Variants in TBC1D9 observed in about 807,000 individuals in gnomAD.
The protein encoded by TBC1D9 is TBC1 domain family member 9A.
TBC1D9 carries 63 observed loss-of-function variants against 132.0 expected under a neutral mutation model. The ratio of observed to expected loss-of-function variants is 0.48; its 90% CI spans 0.39 to 0.59. The LOEUF (loss-of-function observed/expected upper bound fraction) is 0.59. Among genes scored for constraint, TBC1D9 ranks in the 20% least tolerant of loss-of-function variants. TBC1D9 has a pLI of 0.00. For missense variants in TBC1D9, 1,261 were observed against 1,592.7 expected, an observed-to-expected ratio of 0.79 and a Z score of 3.54; for synonymous variants, 610 against 609.9, an observed-to-expected ratio of 1.00 and a Z score of 0.00.
chr4:140,673,909 G>A (rs1162557008), intron 6 of TBC1D9, among the ~76,000 whole-genome samples: 1 of 152,162 alleles, frequency 6.6e-6, no homozygotes, highest in African/African-American at 2.4e-5. Flanking sequence ...CACCCGGGAG[G>A]GGGAAGCCAG....
chr4:140,755,932 G>GCCGCCT lies in TBC1D9; in HGVS notation c.108_113dup (p.Gly40_Gly41dup). 6.3e-7 allele frequency: 1 copy of GCCGCCT among 1,579,860 alleles called. No homozygotes were observed. The highest frequency in any genetic ancestry group is 8.6e-7 in the Non-Finnish European group (1 of 1,165,186). On this transcript the variant is annotated inframe_insertion, in exon 1 of 21. Transcript: ENST00000442267. The stretch of plus-strand genomic sequence containing the variant: ...GGTCCTTACCCGCCAGTCCGCCGCC[G>GCCGCCT]CCGCCTCCATCGCCGGCGTGGCCCT...
Position 140,622,828 on chromosome 4 carries a change from C to T in TBC1D9, c.3168G>A (p.Val1056=), listed in dbSNP as rs772171531. ...CCCCAATCTCCAGCAGGAGGCTGGT[C>T]ACTGCTGCCGTGGCGTGGTACAGCT... ...EQELYHATAA[V]TSLLLEIGEV... The change falls in exon 21 of 21, where the codon GTG becomes GTA. Residue 1056 remains valine (V), a synonymous_variant. Coordinates refer to ENST00000442267, the MANE Select transcript of TBC1D9 (RefSeq NM_015130.3). 1.6e-5 allele frequency: 26 copies of T among 1,599,316 alleles called. No homozygotes were observed. The highest frequency in any genetic ancestry group is 8.5e-7 in the Non-Finnish European group (1 of 1,176,340).
intron 13 of TBC1D9, among the ~76,000 whole-genome samples, chr4:140,648,358 T>C (rs991284595): frequency 3.3e-5 from 5 of 152,012 alleles, no homozygotes; most frequent in African/African-American, 7.2e-5. Flanking sequence ...CTAACATCTT[T>C]ATGAGCAGAA....
chr4:140,679,613 A>C lies in TBC1D9; in HGVS notation c.589+2T>G, dbSNP rs1423408959. 1.9e-6 allele frequency: 3 copies of C among 1,610,140 alleles called. No homozygotes were observed. The highest frequency in any genetic ancestry group is 1.1e-5 in the South Asian group (1 of 90,760). ...TTCCTGCTGAAATTTTAGATGACTT[A>C]CCTTCCCTTCCCATAAGAAAAGAAT... is the stretch of plus-strand genomic sequence containing the variant. On this transcript the variant is annotated splice_donor_variant, in intron 4 of 20. Transcript: ENST00000442267. LOFTEE classifies it high-confidence loss of function.
intron 16 of TBC1D9, among the ~76,000 whole-genome samples, chr4:140,631,342 C>G (rs1385363597): frequency 6.6e-6 from 1 of 151,986 alleles, no homozygotes; most frequent in Admixed American, 6.6e-5. Context: ...CCTGCCTCAG[C>G]CTCCCAAGTA....
At chr4:140,643,050 T>A in intron 13 of TBC1D9, 1 of 1,220,548 alleles carries the variant, frequency 8.2e-7, no homozygotes, top group Non-Finnish European at 1.2e-6. Flanking sequence ...CATCCGCTCC[T>A]CCTTCTTGCG....
At chr4:140,666,529 A>G (rs1024234602) in intron 9 of TBC1D9, among the ~76,000 whole-genome samples, 49 of 151,956 alleles carry the variant, frequency 3.2e-4, no homozygotes, top group African/African-American at 9.6e-4. Flanking sequence ...TAGTAGAGAC[A>G]GGGTTTCACC....
At chr4:140,723,176 T>C (rs1015399599) in intron 1 of TBC1D9, among the ~76,000 whole-genome samples, 15 of 152,202 alleles carry the variant, frequency 9.9e-5, no homozygotes, top group African/African-American at 3.6e-4. Context: ...TCAGCTTCTC[T>C]TCTCAGGACC....
intron 1 of TBC1D9, among the ~76,000 whole-genome samples, chr4:140,754,107 G>A (rs1261242754): frequency 6.6e-6 from 1 of 152,194 alleles, no homozygotes; most frequent in African/African-American, 2.4e-5. Flanking sequence ...GTGGACCGTA[G>A]TCAGTTATAG....
intron 13 of TBC1D9, among the ~76,000 whole-genome samples, chr4:140,640,788 C>T (rs1736975504): frequency 1.3e-5 from 2 of 152,076 alleles, no homozygotes; most frequent in South Asian, 4.2e-4. Context: ...GTATCAGTTG[C>T]TACAACCGTT....
intron 9 of TBC1D9, among the ~76,000 whole-genome samples, chr4:140,667,681 T>G (rs935768651): frequency 6.6e-6 from 1 of 152,074 alleles, no homozygotes; most frequent in Admixed American, 6.5e-5. Context: ...GAGGATTGAT[T>G]GAGCCTACAA....
rs531399001 is a variant in TBC1D9 at position 140,679,605 on chromosome 4, G to C, written c.589+10C>G. 1 of 1,603,624 alleles carries C rather than the reference G, an allele frequency of 6.2e-7. No homozygotes were observed. Among genetic ancestry groups the C allele is most frequent in the South Asian group, 1.1e-5 (1 of 90,224 alleles). Reference sequence around the variant, plus strand: ...TCCAAAGTTTCCTGCTGAAATTTTAGATGACTTACCTTCCCTTCCCATAAG... The same window carrying C: ...TCCAAAGTTTCCTGCTGAAATTTTACATGACTTACCTTCCCTTCCCATAAG... On this transcript the variant is annotated intron_variant, in intron 4 of 20. Transcript: ENST00000442267.
chr4:140,664,040 C>CAA (rs1224457471), intron 9 of TBC1D9, among the ~76,000 whole-genome samples: 1,398 of 112,840 alleles, frequency 0.012, 26 homozygotes, highest in African/African-American at 0.05. Context: ...CTCTCCCCAC[C>CAA]AAAAAAAAAA....
At position 140,622,670 on chromosome 4, in the gene TBC1D9, G is replaced by A. The variant is rs1465180652; in HGVS notation, c.3326C>T (p.Ser1109Phe). 6.2e-7 allele frequency: 1 copy of A among 1,610,780 alleles called. No individual in the cohort carries two copies. ...KGPGQPYVVESVEPLPASLAP... is the reference protein window; with the variant it reads ...KGPGQPYVVEFVEPLPASLAP... ...CAGGCTGGCCGGCAGGGGCTCAACA[G>A]ACTCCACCACGTAAGGCTGGCCTGG... The change falls in exon 21 of 21, where the codon TCT becomes TTT. Residue 1109 changes from serine (S) to phenylalanine (F), a missense_variant. Coordinates refer to ENST00000442267, the MANE Select transcript of TBC1D9 (RefSeq NM_015130.3).
intron 1 of TBC1D9, among the ~76,000 whole-genome samples, chr4:140,719,162 A>ATAAAT (rs1303292087): frequency 6.7e-6 from 1 of 149,034 alleles, no homozygotes; most frequent in African/African-American, 2.5e-5. Flanking sequence ...AAATAAATAA[A>ATAAAT]AGAAAGTGGA....
chr4:140,702,773 C>T (rs11737722), intron 1 of TBC1D9, among the ~76,000 whole-genome samples: 49,241 of 152,016 alleles, frequency 0.32, 8,306 homozygotes, highest in East Asian at 0.55. Flanking sequence ...TAAACTAGAT[C>T]CCTTAATTGG....
At chr4:140,665,109 GAAAAA>G (rs373062026) in intron 9 of TBC1D9, among the ~76,000 whole-genome samples, 3 of 60,142 alleles carry the variant, frequency 5.0e-5, no homozygotes, top group African/African-American at 1.9e-4. Flanking sequence ...TCAGTCTCCA[GAAAAA>G]AAAAAAAAAA....
Position 140,628,363 on chromosome 4 carries a change from C to T in TBC1D9, c.2749G>A (p.Ala917Thr). Reference protein sequence around the residue: ...NFREFVSGLSAACHGDLTEKL... With the variant: ...NFREFVSGLSTACHGDLTEKL... Reference sequence around the variant, plus strand: ...TCTGTGAGGTCCCCATGGCATGCAGCACCTAGAAGTCACATAAGTACCAAT... The same window carrying T: ...TCTGTGAGGTCCCCATGGCATGCAGTACCTAGAAGTCACATAAGTACCAAT... Residue 917 changes from alanine to threonine, a missense_variant and splice_region_variant, in exon 17 of 21, where the codon GCT (alanine) becomes ACT (threonine). By Grantham distance (58) the Ala-to-Thr change is moderately conservative. This residue lies in a region of TBC1D9 where 618 missense variants were observed against 724.4 expected (regional missense o/e 0.85). Transcript: ENST00000442267. 2.5e-6 allele frequency: 4 copies of T among 1,613,762 alleles called. No individual in the cohort carries two copies. The highest frequency in any genetic ancestry group is 3.4e-6 in the Non-Finnish European group (4 of 1,179,660).
intron 1 of TBC1D9, among the ~76,000 whole-genome samples, chr4:140,724,662 C>T (rs1270414862): frequency 6.7e-6 from 1 of 148,740 alleles, no homozygotes; most frequent in Non-Finnish European, 1.5e-5. Flanking sequence ...AAACTTGCAA[C>T]TCAGATCACA....
Sources: allele counts gnomAD v4.1 joint callset (sites outside exome capture counted in the v4.1 genomes callset), GRCh38; gene constraint gnomAD v4.1.1; regional missense constraint gnomAD v4.1.1; transcripts MANE v1.5; gene names NCBI Gene and HGNC (gene_info 2026-07-23, HGNC 2026-07-21).